NBEA: variants seen among roughly 807,000 people sequenced by gnomAD.
NBEA encodes lysosomal-trafficking regulator 2.
Under a neutral mutation model 343.4 loss-of-function variants are expected in NBEA, and 44 were observed. That is an observed-to-expected ratio of 0.13 (90% CI 0.10 to 0.16). NBEA has a LOEUF of 0.16. Ranked by LOEUF, NBEA falls within the 10% of genes least tolerant of loss-of-function variation. The probability of loss-of-function intolerance (pLI) is 1.00; values close to 1 mark genes in which losing one functional copy is unlikely to be tolerated. For synonymous variants in NBEA, 1,175 were observed against 1,238.7 expected (o/e 0.95, Z 1.08); for missense variants, 2,555 against 3,631.3 (o/e 0.70, Z 7.62).
rs964214314 is a variant in NBEA at position 34,961,950 on chromosome 13, TA to T, written c.294+18844del. Among the ~76,000 whole-genome samples, 257 of 151,942 alleles carry T rather than the reference TA, an allele frequency of 1.7e-3. 1 individual carries two copies. Among genetic ancestry groups the T allele is most frequent in the African/African-American group, 5.9e-3 (246 of 41,484 alleles). On this transcript the variant is annotated intron_variant, in intron 1 of 58. Transcript: ENST00000379939. ...CACACTTAATTTTGAGGGCTAGGTG[TA>T]AAAAAAATGTAAAATATCTCAATAA... is the stretch of plus-strand genomic sequence containing the variant.
chr13:35,165,430 A>G (rs961361008), intron 24 of NBEA, among the ~76,000 whole-genome samples: 1 of 152,198 alleles, frequency 6.6e-6, no homozygotes, highest in Non-Finnish European at 1.5e-5. Context: ...GTTCAGAAGG[A>G]GGAATGCAAC....
chr13:35,218,540 A>T (rs1396693666), intron 33 of NBEA, among the ~76,000 whole-genome samples: 1 of 152,060 alleles, frequency 6.6e-6, no homozygotes, highest in African/African-American at 2.4e-5. Flanking sequence ...AATGCAATTT[A>T]TTATAGTCAT....
chr13:35,343,963 G>T (rs117884525), intron 36 of NBEA, among the ~76,000 whole-genome samples: 1 of 151,982 alleles, frequency 6.6e-6, no homozygotes, highest in Non-Finnish European at 1.5e-5. Context: ...ACACTGGCCC[G>T]TGGAAAAATT....
intron 41 of NBEA, among the ~76,000 whole-genome samples, chr13:35,540,704 G>C (rs181968748): frequency 2.0e-5 from 3 of 152,100 alleles, no homozygotes; most frequent in African/African-American, 7.2e-5. Flanking sequence ...TTCCTTCTCT[G>C]TGCAAGTTCT....
intron 38 of NBEA, among the ~76,000 whole-genome samples, chr13:35,414,742 GC>G (rs2043800557): frequency 2.0e-5 from 3 of 152,054 alleles, no homozygotes; most frequent in South Asian, 4.2e-4. Flanking sequence ...TTGGGAATAT[GC>G]CCAGTAATGG....
At chr13:35,250,630 G>A (rs117451175) in intron 34 of NBEA, among the ~76,000 whole-genome samples, 2,478 of 152,260 alleles carry the variant, frequency 0.016, 37 homozygotes, top group Non-Finnish European at 0.028. Flanking sequence ...ATTTGTAAAT[G>A]TACATTGACT....
At chr13:34,958,797 A>G (rs1447457869) in intron 1 of NBEA, among the ~76,000 whole-genome samples, 2 of 152,142 alleles carry the variant, frequency 1.3e-5, no homozygotes, top group African/African-American at 4.8e-5. Flanking sequence ...CAAGAATTGC[A>G]ATAGTTTATC....
At chr13:35,158,869 C>T (rs1315894100) in intron 21 of NBEA, 147 bp from the exon 22 acceptor site, 28 of 638,708 alleles carry the variant, frequency 4.4e-5, no homozygotes, top group Non-Finnish European at 6.5e-5. Flanking sequence ...AAACTAAGCA[C>T]TTGCTTTAGG....
At chr13:35,393,378 T>C (rs1311519910) in intron 38 of NBEA, among the ~76,000 whole-genome samples, 1 of 152,170 alleles carries the variant, frequency 6.6e-6, no homozygotes, top group Non-Finnish European at 1.5e-5. Context: ...AAAATTAGGA[T>C]AATTCTATGG....
At chr13:35,521,471 A>T (rs576649008) in intron 41 of NBEA, among the ~76,000 whole-genome samples, 149 of 152,318 alleles carry the variant, frequency 9.8e-4, no homozygotes, top group Non-Finnish European at 1.1e-3. Flanking sequence ...ATGAAATCCC[A>T]TGACAAGAAC....
At chr13:35,406,799 C>A (rs2043293426) in intron 38 of NBEA, among the ~76,000 whole-genome samples, 1 of 152,082 alleles carries the variant, frequency 6.6e-6, no homozygotes, top group South Asian at 2.1e-4. Flanking sequence ...TGTTCCTCTT[C>A]TTTTAGCTGA....
Position 35,159,575 on chromosome 13 carries a change from A to T in NBEA, c.3404A>T (p.Glu1135Val). Reference sequence around the variant, plus strand: ...GGTCCATTGATAACATTAGCAGATGAGAAAGAAGACCTTCCCAATAGTAGT... The same window carrying T: ...GGTCCATTGATAACATTAGCAGATGTGAAAGAAGACCTTCCCAATAGTAGT... ...DNGPLITLADEKEDLPNSSTS... is the reference protein window; with the variant it reads ...DNGPLITLADVKEDLPNSSTS... Residue 1135 changes from glutamate to valine, a missense_variant, in exon 22 of 59, where the codon GAG (glutamate) becomes GTG (valine). Around this residue, in one of 21 missense-constraint regions of NBEA, gnomAD observed 367 missense variants for 377.5 expected, o/e 0.97. Coordinates refer to ENST00000379939, the MANE Select transcript of NBEA (RefSeq NM_001385012.1). 1 of 1,612,478 alleles carries T rather than the reference A, an allele frequency of 6.2e-7. No individual in the cohort carries two copies. Among genetic ancestry groups the T allele is most frequent in the Non-Finnish European group, 8.5e-7 (1 of 1,179,378 alleles).
At chr13:35,238,002 T>C (rs1566501209) in intron 34 of NBEA, among the ~76,000 whole-genome samples, 1 of 152,220 alleles carries the variant, frequency 6.6e-6, no homozygotes, top group Non-Finnish European at 1.5e-5. Flanking sequence ...GCTTTTGATG[T>C]GTGTTTTCTC....
At chr13:35,590,609 G>C (rs2081489422) in intron 46 of NBEA, among the ~76,000 whole-genome samples, 1 of 152,042 alleles carries the variant, frequency 6.6e-6, no homozygotes, top group African/African-American at 2.4e-5. Context: ...GTGGAGATCA[G>C]CTTTTAGCGG....
chr13:35,658,450 C>T (rs187231609), intron 55 of NBEA, among the ~76,000 whole-genome samples: 5 of 152,306 alleles, frequency 3.3e-5, no homozygotes, highest in African/African-American at 1.2e-4. Flanking sequence ...AGTCAAGCAA[C>T]AGTATGTGTT....
intron 49 of NBEA, among the ~76,000 whole-genome samples, chr13:35,632,084 T>C (rs2153067896): frequency 6.6e-6 from 1 of 152,368 alleles, no homozygotes; most frequent in South Asian, 2.1e-4. Context: ...CATCGTAATC[T>C]TCTATGCACT....
chr13:35,662,766 A>T (rs879480016), intron 55 of NBEA, among the ~76,000 whole-genome samples: 15 of 152,190 alleles, frequency 9.9e-5, no homozygotes, highest in Non-Finnish European at 1.9e-4. Context: ...GAATATTTTT[A>T]TACATTTTTT....
chr13:35,016,480 C>A (rs2061661554), intron 1 of NBEA, among the ~76,000 whole-genome samples: 4 of 151,990 alleles, frequency 2.6e-5, no homozygotes, highest in Admixed American at 2.6e-4. Flanking sequence ...CATTTTCTTG[C>A]ATGACAGTTG....
At chr13:35,186,813 ATAG>A (rs2071746775) in intron 30 of NBEA, 1 of 152,156 alleles carries the variant, frequency 6.6e-6, no homozygotes, top group Admixed American at 6.6e-5. Flanking sequence ...TACAAGTGTA[ATAG>A]TAGTTGTCTA....
Sources: gnomAD v4.1 joint callset for allele counts (sites outside exome capture counted in the v4.1 genomes callset) on GRCh38, gnomAD v4.1.1 for gene constraint, gnomAD v4.1.1 regional missense constraint, MANE v1.5 for transcripts, NCBI Gene and HGNC (gene_info 2026-07-23, HGNC 2026-07-21) for gene names.